DGKB: variants seen among roughly 807,000 people sequenced by gnomAD.
DGKB encodes the protein diacylglycerol kinase beta.
A neutral mutation model predicts 114.3 loss-of-function variants in DGKB; 67 were observed. The ratio of observed to expected loss-of-function variants is 0.59; its 90% CI spans 0.48 to 0.72. DGKB has a LOEUF of 0.72. Among genes scored for constraint, DGKB ranks in the 30% least tolerant of loss-of-function variants. DGKB has a pLI of 0.00. For synonymous variants in DGKB, 398 were observed against 323.1 expected, an observed-to-expected ratio of 1.23 and a Z score of -2.49; for missense variants, 907 against 975.2, an observed-to-expected ratio of 0.93 and a Z score of 0.93.
intron 20 of DGKB, among the ~76,000 whole-genome samples, chr7:14,485,056 C>T (rs1320575406): frequency 6.7e-6 from 1 of 149,736 alleles, no homozygotes; most frequent in Non-Finnish European, 1.5e-5. Flanking sequence ...AATCTGAGTC[C>T]TATGGGGAAA....
chr7:14,477,014 T>C (rs887163446), intron 21 of DGKB, among the ~76,000 whole-genome samples: 3 of 152,102 alleles, frequency 2.0e-5, no homozygotes, highest in Non-Finnish European at 4.4e-5. Flanking sequence ...CCTCCCAAAG[T>C]GCTGGGATTA....
At chr7:14,878,324 G>A (rs182484054) in intron 1 of DGKB, among the ~76,000 whole-genome samples, 87 of 152,242 alleles carry the variant, frequency 5.7e-4, no homozygotes, top group Non-Finnish European at 1.1e-3. Flanking sequence ...TTGTTCTAAT[G>A]TCTCTGCATC....
intron 1 of DGKB, among the ~76,000 whole-genome samples, chr7:14,865,637 T>C (rs1202924661): frequency 2.0e-5 from 3 of 152,206 alleles, no homozygotes; most frequent in African/African-American, 7.2e-5. Context: ...GGCTGAACTT[T>C]GGTGGATTCT....
At chr7:14,578,429 T>C (rs1799473800) in intron 19 of DGKB, among the ~76,000 whole-genome samples, 1 of 152,214 alleles carries the variant, frequency 6.6e-6, no homozygotes, top group Admixed American at 6.5e-5. Flanking sequence ...GTTAAGTAAC[T>C]TGCTCAAAGT....
chr7:14,520,401 TTTTAAGGTATAAAC>T (rs1437610071), intron 20 of DGKB, among the ~76,000 whole-genome samples: 2 of 151,770 alleles, frequency 1.3e-5, no homozygotes, highest in Admixed American at 1.3e-4. Context: ...TTTTTATGAT[TTTTAAGGTATAAAC>T]TTAGGTTACT....
chr7:14,754,263 G>A, intron 3 of DGKB, among the ~76,000 whole-genome samples: 1 of 152,150 alleles, frequency 6.6e-6, no homozygotes, highest in East Asian at 1.9e-4. Context: ...TAAAATTTCA[G>A]AATCAATGAC....
intron 23 of DGKB, among the ~76,000 whole-genome samples, chr7:14,293,153 AATAC>A (rs1369570230): frequency 2.0e-5 from 3 of 152,206 alleles, no homozygotes; most frequent in Admixed American, 2.0e-4. Flanking sequence ...TGGTCAGTTT[AATAC>A]ATGCATTATG....
At chr7:14,355,246 G>C (rs1271149183) in intron 21 of DGKB, among the ~76,000 whole-genome samples, 3 of 151,948 alleles carry the variant, frequency 2.0e-5, no homozygotes, top group Non-Finnish European at 4.4e-5. Context: ...ACAGGTGTGA[G>C]AATATAAGAA....
intron 1 of DGKB, among the ~76,000 whole-genome samples, chr7:14,862,720 G>A (rs1016572650): frequency 7.9e-5 from 12 of 151,922 alleles, no homozygotes; most frequent in Non-Finnish European, 5.9e-5. Flanking sequence ...AATTCAAAGC[G>A]AAAAAAGCCA....
chr7:14,814,566 CTT>C (rs1234857089), intron 2 of DGKB, among the ~76,000 whole-genome samples: 3 of 152,102 alleles, frequency 2.0e-5, no homozygotes, highest in South Asian at 4.1e-4. Context: ...GATCGAAAGA[CTT>C]ATATAAATGT....
chr7:14,353,225 G>A (rs1341199975), intron 21 of DGKB, among the ~76,000 whole-genome samples: 1 of 152,058 alleles, frequency 6.6e-6, no homozygotes, highest in Admixed American at 6.6e-5. Flanking sequence ...AATGTTATAG[G>A]CCAGAAAGGT....
chr7:14,468,804 T>C (rs1424055332), intron 21 of DGKB, among the ~76,000 whole-genome samples: 2 of 152,058 alleles, frequency 1.3e-5, no homozygotes, highest in African/African-American at 4.8e-5. Context: ...AATTAATTAC[T>C]GTTACTTTAC....
rs564313428 is a variant in DGKB at position 14,846,755 on chromosome 7, A to G, written c.-187-5305T>C. Among the ~76,000 whole-genome samples, 36 of 152,314 alleles carry G rather than the reference A, an allele frequency of 2.4e-4. No individual in the cohort carries two copies. In the East Asian group the frequency reaches 4.8e-3, roughly 20 times the overall value. ...CCACTTTGCTTAGTTTGTAGCAGGA[A>G]ATAACTACGTTGGAAGAGTTGAAGA... is the stretch of plus-strand genomic sequence containing the variant. On this transcript the variant is annotated intron_variant, in intron 1 of 25. Coordinates refer to ENST00000402815, the MANE Select transcript of DGKB (RefSeq NM_001350709.2).
At chr7:14,932,976 G>A (rs552630372) in intron 1 of DGKB, among the ~76,000 whole-genome samples, 2 of 152,178 alleles carry the variant, frequency 1.3e-5, no homozygotes, top group African/African-American at 2.4e-5. Context: ...GTCTGCTGAA[G>A]CTGAAATAAC....
At chr7:14,275,268 T>C (rs754508939) in intron 23 of DGKB, among the ~76,000 whole-genome samples, 1 of 152,192 alleles carries the variant, frequency 6.6e-6, no homozygotes, top group Non-Finnish European at 1.5e-5. Flanking sequence ...TTCATACATC[T>C]TTATAGTCCC....
intron 23 of DGKB, among the ~76,000 whole-genome samples, chr7:14,248,580 G>C (rs59308827): frequency 0.013 from 2,038 of 151,712 alleles, 42 homozygotes; most frequent in African/African-American, 0.047. Context: ...TTTTGACTTT[G>C]TTCCTAAATA....
intron 21 of DGKB, among the ~76,000 whole-genome samples, chr7:14,419,287 A>G (rs533348619): frequency 1.3e-5 from 2 of 152,016 alleles, no homozygotes; most frequent in Admixed American, 6.6e-5. Flanking sequence ...ACACATTTTT[A>G]AATTTAGAGT....
At chr7:14,299,108 G>C (rs767860949) in intron 23 of DGKB, among the ~76,000 whole-genome samples, 1 of 152,002 alleles carries the variant, frequency 6.6e-6, no homozygotes, top group Non-Finnish European at 1.5e-5. Context: ...GTGTAAATTT[G>C]TTCCAATACT....
At chr7:14,310,889 T>C (rs1212474982) in intron 23 of DGKB, among the ~76,000 whole-genome samples, 1 of 152,028 alleles carries the variant, frequency 6.6e-6, no homozygotes, top group Non-Finnish European at 1.5e-5. Context: ...TCCCAGCACT[T>C]TGGGGAAGGT....
Sources: allele counts gnomAD v4.1 joint callset (sites outside exome capture counted in the v4.1 genomes callset), GRCh38; gene constraint gnomAD v4.1.1; transcripts MANE v1.5; gene names NCBI Gene and HGNC (gene_info 2026-07-23, HGNC 2026-07-21).